The following SPTLC3 variants were observed in gnomAD, a reference collection of about 807,000 sequenced individuals.
The protein encoded by SPTLC3 is serine palmitoyltransferase long chain base subunit 3, also known as serine palmitoyltransferase 3.
In SPTLC3, 36 loss-of-function variants were observed where a neutral mutation model predicts 59.3. The observed-to-expected ratio is 0.61, with a 90% CI of 0.47 to 0.80. SPTLC3 has a LOEUF of 0.80. Ranked by LOEUF, SPTLC3 falls within the 30% of genes least tolerant of loss-of-function variation. The pLI, the probability that SPTLC3 is intolerant of heterozygous loss-of-function variation, is 0.00. For synonymous variants in SPTLC3, 257 were observed against 240.8 expected (o/e 1.07, Z -0.62); for missense variants, 625 against 685.1 (o/e 0.91, Z 0.98).
intron 4 of SPTLC3, among the ~76,000 whole-genome samples, chr20:13,076,974 C>T (rs903843991): frequency 4.6e-5 from 7 of 152,108 alleles, no homozygotes; most frequent in African/African-American, 1.7e-4. Flanking sequence ...CACATCTGTA[C>T]AGAAGTGCAA....
At chr20:13,089,373 A>G (rs73898427) in intron 4 of SPTLC3, among the ~76,000 whole-genome samples, 2,765 of 152,344 alleles carry the variant, frequency 0.018, 91 homozygotes, top group African/African-American at 0.064. Context: ...CGCATGTGTA[A>G]TTTAAATTTT....
At chr20:13,062,630 T>A (rs907521648) in intron 2 of SPTLC3, among the ~76,000 whole-genome samples, 3 of 152,180 alleles carry the variant, frequency 2.0e-5, no homozygotes, top group Non-Finnish European at 2.9e-5. Context: ...AAGCATTATT[T>A]TATCTTTGTG....
intron 8 of SPTLC3, among the ~76,000 whole-genome samples, chr20:13,123,659 T>C (rs1435891215): frequency 6.6e-6 from 1 of 152,122 alleles, no homozygotes; most frequent in Non-Finnish European, 1.5e-5. Flanking sequence ...TCTCCCTCTC[T>C]TCCCAATTGA....
intron 2 of SPTLC3, among the ~76,000 whole-genome samples, chr20:13,060,215 CA>C (rs1194590713): frequency 2.0e-4 from 31 of 152,156 alleles, no homozygotes; most frequent in African/African-American, 7.5e-4. Flanking sequence ...TGCTCCAATG[CA>C]GCATTTCAGT....
chr20:13,095,952 T>A (rs1166723135), intron 6 of SPTLC3, among the ~76,000 whole-genome samples: 2 of 152,106 alleles, frequency 1.3e-5, no homozygotes, highest in Admixed American at 6.6e-5. Context: ...ATAAGTAATA[T>A]CTTAGCTATC....
intron 9 of SPTLC3, among the ~76,000 whole-genome samples, chr20:13,131,205 A>G (rs760954192): frequency 1.3e-5 from 2 of 152,234 alleles, no homozygotes; most frequent in Non-Finnish European, 2.9e-5. Context: ...GTAATCAATC[A>G]ACATTTTTTG....
At chr20:13,033,990 C>T (rs563150535) in intron 1 of SPTLC3, among the ~76,000 whole-genome samples, 33 of 151,812 alleles carry the variant, frequency 2.2e-4, no homozygotes, top group Admixed American at 3.9e-4. Context: ...CGAAAAGTGA[C>T]GATATGAAGA....
chr20:13,030,347 C>A (rs1271280063), intron 1 of SPTLC3, among the ~76,000 whole-genome samples: 1 of 152,162 alleles, frequency 6.6e-6, no homozygotes, highest in African/African-American at 2.4e-5. Flanking sequence ...TTTCTTCCAC[C>A]ACGAATATAA....
intron 6 of SPTLC3, among the ~76,000 whole-genome samples, chr20:13,095,434 T>C (rs1439327619): frequency 6.6e-6 from 1 of 152,122 alleles, no homozygotes; most frequent in Non-Finnish European, 1.5e-5. Context: ...CCATAAAAGA[T>C]CAATGACTGT....
chr20:13,111,121 G>A (rs901179404), intron 7 of SPTLC3, among the ~76,000 whole-genome samples: 1 of 152,058 alleles, frequency 6.6e-6, no homozygotes, highest in African/African-American at 2.4e-5. Context: ...AAGAAGCTTG[G>A]TTTCATTTTA....
chr20:13,098,934 C>T (rs1245477778), intron 6 of SPTLC3, among the ~76,000 whole-genome samples: 1 of 152,150 alleles, frequency 6.6e-6, no homozygotes. Flanking sequence ...CAGAGTCTGT[C>T]CTCTAACCCA....
In SPTLC3 at chr20:13,064,417, C is replaced by A. The variant is rs141239051; in HGVS notation, c.304-7839C>A. Among the ~76,000 whole-genome samples, 629 of 152,232 alleles carry A rather than the reference C, an allele frequency of 4.1e-3. 5 individuals are homozygous for A. Among genetic ancestry groups the A allele is most frequent in the Middle Eastern group, 0.01 (3 of 294 alleles). Reference sequence around the variant, plus strand: ...GGAACGATTCTCCTGCCTCAACCCCCCGAGTAGCTGAAATTACAGGCATGC... The same window carrying A: ...GGAACGATTCTCCTGCCTCAACCCCACGAGTAGCTGAAATTACAGGCATGC... On this transcript the variant is annotated intron_variant, in intron 2 of 11. Transcript: ENST00000399002.
intron 1 of SPTLC3, among the ~76,000 whole-genome samples, chr20:13,048,154 A>G (rs188440264): frequency 6.6e-6 from 1 of 152,218 alleles, no homozygotes. Flanking sequence ...TATGCACCCA[A>G]TACAGGAGCA....
chr20:13,099,424 T>C (rs1989530015), intron 6 of SPTLC3, among the ~76,000 whole-genome samples: 1 of 152,236 alleles, frequency 6.6e-6, no homozygotes, highest in Non-Finnish European at 1.5e-5. Flanking sequence ...AAGATAAGTT[T>C]GTGTTGTCTT....
chr20:13,125,883 C>A (rs1045254266), intron 8 of SPTLC3, among the ~76,000 whole-genome samples: 2 of 152,308 alleles, frequency 1.3e-5, no homozygotes, highest in South Asian at 4.1e-4. Flanking sequence ...GAAGCAACTG[C>A]GAAGTTGGAT....
At chr20:13,097,034 A>G (rs915101803) in intron 6 of SPTLC3, among the ~76,000 whole-genome samples, 3 of 152,064 alleles carry the variant, frequency 2.0e-5, no homozygotes, top group Admixed American at 1.3e-4. Context: ...ATGCCTGGCA[A>G]TGGGAACTAC....
intron 7 of SPTLC3, among the ~76,000 whole-genome samples, chr20:13,110,825 T>A (rs1270507164): frequency 3.3e-5 from 5 of 151,942 alleles, no homozygotes; most frequent in African/African-American, 1.2e-4. Flanking sequence ...TCTCAAACAA[T>A]CCTGACGTTA....
intron 2 of SPTLC3, among the ~76,000 whole-genome samples, chr20:13,065,142 TTGA>T (rs1234396549): frequency 6.6e-6 from 1 of 152,114 alleles, no homozygotes; most frequent in African/African-American, 2.4e-5. Flanking sequence ...TCTTTGGGGT[TTGA>T]TATTACAATA....
intron 2 of SPTLC3, among the ~76,000 whole-genome samples, chr20:13,057,187 G>A (rs1249133899): frequency 6.6e-6 from 1 of 152,130 alleles, no homozygotes; most frequent in Non-Finnish European, 1.5e-5. Flanking sequence ...CTTTTCAGCA[G>A]AAATGAGCAT....
Sources: gnomAD v4.1 joint callset for allele counts (sites outside exome capture counted in the v4.1 genomes callset) on GRCh38, gnomAD v4.1.1 for gene constraint, MANE v1.5 for transcripts, NCBI Gene and HGNC (gene_info 2026-07-23, HGNC 2026-07-21) for gene names.